PRKN: variants seen among roughly 807,000 people sequenced by gnomAD.
PRKN encodes the protein parkin RBR E3 ubiquitin protein ligase, also known as E3 ubiquitin-protein ligase parkin.
Under a neutral mutation model 59.5 loss-of-function variants are expected in PRKN, and 56 were observed. The observed-to-expected ratio is 0.94, with a 90% CI of 0.76 to 1.18. The LOEUF (loss-of-function observed/expected upper bound fraction) is 1.18. PRKN is among the 50% of genes most tolerant of loss of function. The pLI is 0.00. For synonymous variants in PRKN, 250 were observed against 222.1 expected (o/e 1.13, Z -1.12); for missense variants, 657 against 596.4 (o/e 1.10, Z -1.06).
At chr6:161,568,499 A>G (rs1780738344) in intron 8 of PRKN, among the ~76,000 whole-genome samples, 1 of 152,232 alleles carries the variant, frequency 6.6e-6, no homozygotes, top group African/African-American at 2.4e-5. Flanking sequence ...AGGCTGAGAC[A>G]GGAGAATGGC....
intron 2 of PRKN, among the ~76,000 whole-genome samples, chr6:162,442,513 A>T (rs1790107279): frequency 6.6e-6 from 1 of 152,114 alleles, no homozygotes; most frequent in Admixed American, 6.6e-5. Context: ...GTTCTAGGTG[A>T]TGGTGGTATT....
At chr6:161,872,473 T>A (rs759565301) in intron 6 of PRKN, among the ~76,000 whole-genome samples, 6 of 152,178 alleles carry the variant, frequency 3.9e-5, no homozygotes, top group Non-Finnish European at 8.8e-5. Context: ...TCTTAATTAA[T>A]GCCCTCATAT....
chr6:162,073,441 T>C, intron 4 of PRKN, among the ~76,000 whole-genome samples: 1 of 152,290 alleles, frequency 6.6e-6, no homozygotes, highest in East Asian at 1.9e-4. Context: ...TTGGGTTTTT[T>C]TGTTGTTGTT....
chr6:161,435,099 G>T (rs1165534750), intron 9 of PRKN, among the ~76,000 whole-genome samples: 1 of 152,166 alleles, frequency 6.6e-6, no homozygotes, highest in Non-Finnish European at 1.5e-5. Flanking sequence ...TGAACAGACA[G>T]ATCTGGTGAG....
intron 3 of PRKN, among the ~76,000 whole-genome samples, chr6:162,214,912 A>G (rs913692238): frequency 1.3e-4 from 20 of 152,296 alleles, no homozygotes; most frequent in African/African-American, 4.8e-4. Context: ...GAAGATTGTT[A>G]AGGCTCCAGC....
intron 2 of PRKN, among the ~76,000 whole-genome samples, chr6:162,353,078 A>G (rs988233163): frequency 5.3e-5 from 8 of 152,134 alleles, no homozygotes; most frequent in Non-Finnish European, 7.4e-5. Context: ...ACCAATGTCC[A>G]CTGCAAATGT....
At chr6:161,430,919 T>C (rs189683911) in intron 9 of PRKN, among the ~76,000 whole-genome samples, 2,595 of 150,904 alleles carry the variant, frequency 0.017, 90 homozygotes, top group African/African-American at 0.06. Context: ...GCGGATCACC[T>C]GAGGTCAGAA....
intron 7 of PRKN, among the ~76,000 whole-genome samples, chr6:161,727,775 A>G (rs1787506756): frequency 6.6e-6 from 1 of 152,218 alleles, no homozygotes; most frequent in South Asian, 2.1e-4. Context: ...GGAGGCCAGT[A>G]AAGGCTGTCA....
chr6:162,727,594 CG>C, intron 1 of PRKN, 67 bp downstream of exon 1: 2 of 1,503,650 alleles, frequency 1.3e-6, no homozygotes, highest in Non-Finnish European at 1.8e-6. Context: ...TCGGCCGAGG[CG>C]GGGCGTGGCG....
rs1785537214 is a variant in PRKN, at chr6:161,373,746, C to G, written c.1167+13048G>C. 6.6e-6 allele frequency among the ~76,000 whole-genome samples: 1 copy of G among 151,658 alleles called. No homozygotes were observed. Among genetic ancestry groups the G allele is most frequent in the Non-Finnish European group, 1.5e-5 (1 of 67,904 alleles). On this transcript the variant is annotated intron_variant, in intron 10 of 11. Transcript: ENST00000366898. The surrounding 1 kb of genome is among the most constrained non-coding windows in gnomAD (Gnocchi z 4.8). ...AGTGTAGAGCAGGTGAACCGTTTTCCTCACACATGGTCAACATGCTTTTCT... is the reference window on the plus strand; with the variant it reads ...AGTGTAGAGCAGGTGAACCGTTTTCGTCACACATGGTCAACATGCTTTTCT...
chr6:162,684,536 G>C (rs1296884341), intron 1 of PRKN, among the ~76,000 whole-genome samples: 2 of 152,096 alleles, frequency 1.3e-5, no homozygotes, highest in Non-Finnish European at 2.9e-5. Flanking sequence ...GAGAGGGTGG[G>C]AAACTCAGGA....
At chr6:162,112,113 A>G (rs971753455) in intron 4 of PRKN, among the ~76,000 whole-genome samples, 1 of 152,254 alleles carries the variant, frequency 6.6e-6, no homozygotes, top group African/African-American at 2.4e-5. Context: ...GGACTAATGC[A>G]GAGAGCACAT....
intron 3 of PRKN, among the ~76,000 whole-genome samples, chr6:162,244,542 C>A (rs1257498185): frequency 6.6e-6 from 1 of 151,976 alleles, no homozygotes; most frequent in Non-Finnish European, 1.5e-5. Flanking sequence ...ATTATTTTTT[C>A]TGTCAGTTAT....
At chr6:161,734,323 G>A (rs1787877755) in intron 7 of PRKN, among the ~76,000 whole-genome samples, 9 of 152,094 alleles carry the variant, frequency 5.9e-5, no homozygotes, top group Admixed American at 5.2e-4. Context: ...CCAGGCCTGC[G>A]AATTAGGCTG....
chr6:162,593,243 T>C (rs1781377214), intron 1 of PRKN, among the ~76,000 whole-genome samples: 1 of 152,208 alleles, frequency 6.6e-6, no homozygotes, highest in Non-Finnish European at 1.5e-5. Context: ...ATTGGGCATC[T>C]TTCTAGAACA....
chr6:162,321,270 G>A (rs1783012693), intron 2 of PRKN, among the ~76,000 whole-genome samples: 4 of 151,890 alleles, frequency 2.6e-5, no homozygotes, highest in African/African-American at 4.8e-5. Flanking sequence ...TGGCAACTTA[G>A]ATGAAATTTT....
intron 4 of PRKN, among the ~76,000 whole-genome samples, chr6:162,198,710 A>T (rs548743556): frequency 2.6e-5 from 4 of 151,030 alleles, no homozygotes; most frequent in South Asian, 2.1e-4. Flanking sequence ...CAGAGAAGTA[A>T]AACCACCCCT....
At chr6:162,221,555 A>C (rs1192762676) in intron 3 of PRKN, among the ~76,000 whole-genome samples, 1 of 152,330 alleles carries the variant, frequency 6.6e-6, no homozygotes, top group South Asian at 2.1e-4. Context: ...TTGATGCCAC[A>C]GTGGTATGGC....
chr6:162,002,466 T>C (rs1366383139), intron 5 of PRKN, among the ~76,000 whole-genome samples: 2 of 152,120 alleles, frequency 1.3e-5, no homozygotes, highest in Admixed American at 6.6e-5. Flanking sequence ...TATAAGCCTT[T>C]CATTGTTCAT....
Sources: gnomAD v4.1 joint callset for allele counts (sites outside exome capture counted in the v4.1 genomes callset) on GRCh38, gnomAD v4.1.1 for gene constraint, Gnocchi (gnomAD v3.1) non-coding constraint, MANE v1.5 for transcripts, NCBI Gene and HGNC (gene_info 2026-07-23, HGNC 2026-07-21) for gene names.